The following MVD variants were observed in gnomAD, a reference collection of about 807,000 sequenced individuals.
The protein encoded by MVD is mevalonate diphosphate decarboxylase, also known as diphosphomevalonate decarboxylase.
MVD carries 52 observed loss-of-function variants against 42.4 expected under a neutral mutation model. That is an observed-to-expected ratio of 1.23 (90% CI 0.98 to 1.55). The LOEUF (loss-of-function observed/expected upper bound fraction) is 1.55. Ranked by LOEUF, MVD falls within the 40% of genes most tolerant of loss-of-function variation. The pLI is 0.00. For synonymous variants in MVD, 287 were observed against 243.2 expected (o/e 1.18, Z -1.68); for missense variants, 663 against 572.1 (o/e 1.16, Z -1.62).
intron 1 of MVD, 120 bp from the exon 2 acceptor site, chr16:88,658,840 C>T (rs527310108): frequency 1.3e-4 from 99 of 768,514 alleles, no homozygotes; most frequent in South Asian, 1.1e-3. Flanking sequence ...CGTCTCTCAC[C>T]GCACAACCTG....
chr16:88,655,668 G>C lies in MVD; in HGVS notation c.666C>G (p.Ser222Arg). Reference protein sequence around the residue: ...TVGMRASVETSPLLRFRAESV... With the variant: ...TVGMRASVETRPLLRFRAESV... ...CTCCTGGCCTTACCCGAAGCAGGGG[G>C]CTGGTCTCCACACTGGCCCGCATGC... is the stretch of plus-strand genomic sequence containing the variant. Residue 222 changes from serine (S) to arginine (R), a missense_variant, in exon 6 of 10, where the codon AGC becomes AGG. Transcript: ENST00000301012. The C allele has an allele frequency of 6.4e-7, 1 of 1,555,332 alleles. No homozygotes were observed. The highest frequency in any genetic ancestry group is 1.2e-5 in the South Asian group (1 of 84,440).
chr16:88,662,139 A>G (rs1169554494), intron 1 of MVD: 4 of 152,174 alleles, frequency 2.6e-5, no homozygotes. Flanking sequence ...GGGAAACACA[A>G]AAAAATTAGC....
chr16:88,658,714 T>C lies in MVD; in HGVS notation c.77A>G (p.Lys26Arg). ...VNIAVIKYWG[K>R]RDEELVLPIN... ...GGGCAGAACCAGCTCTTCATCGCGC[T>C]TGCCCCCTGTAATGAACAGCCAGGG... The change falls in exon 2 of 10, where the codon AAG becomes AGG. Residue 26 changes from lysine (K) to arginine (R), a missense_variant. Physicochemically the swap from Lys to Arg is conservative, Grantham distance 26. Transcript: ENST00000301012. 6.2e-7 allele frequency: 1 copy of C among 1,611,522 alleles called. No individual in the cohort carries two copies. The highest frequency in any genetic ancestry group is 8.5e-7 in the Non-Finnish European group (1 of 1,178,874).
chr16:88,657,167 G>T, intron 4 of MVD: 2 of 641,320 alleles, frequency 3.1e-6, no homozygotes, highest in East Asian at 3.2e-5. Context: ...GGCTGGTCTT[G>T]AACTCCTGGC....
chr16:88,659,320 CGCG>C, intron 1 of MVD: 1 of 157,680 alleles, frequency 6.3e-6, no homozygotes, highest in Admixed American at 6.1e-5. Context: ...GGGTGATAAA[CGCG>C]GACACCTGGC....
intron 7 of MVD, 86 bp from the exon 8 acceptor site, chr16:88,654,893 G>T: frequency 7.5e-7 from 1 of 1,327,270 alleles, no homozygotes; most frequent in African/African-American, 1.5e-5. Flanking sequence ...GCGGCCTTGG[G>T]CTCTCCAAGA....
At chr16:88,655,813 T>G in intron 5 of MVD, 83 bp from the exon 6 acceptor site, 9 of 1,472,950 alleles carry the variant, frequency 6.1e-6, no homozygotes, top group Non-Finnish European at 8.3e-6. Flanking sequence ...CGGCCCTCCC[T>G]CAGCCAATGC....
intron 7 of MVD, 114 bp downstream of exon 7, chr16:88,655,085 G>T: frequency 7.9e-7 from 1 of 1,263,954 alleles, no homozygotes; most frequent in Non-Finnish European, 1.1e-6. Context: ...GCAGGGTGGA[G>T]CTTTCAGACA....
Position 88,652,431 on chromosome 16 carries a change from A to G in MVD, c.*94T>C. 2.2e-6 allele frequency: 3 copies of G among 1,378,432 alleles called. No individual in the cohort carries two copies. Among genetic ancestry groups the G allele is most frequent in the Non-Finnish European group, 3.0e-6 (3 of 993,850 alleles). The allele number at this position is 1,378,432 out of a possible 1,614,324, so 85.4% of individuals were successfully genotyped here. On this transcript the variant is annotated 3_prime_UTR_variant, in exon 10 of 10. Transcript: ENST00000301012. ...GGCCCGGGGTCAAGCCACCACCCAC[A>G]TGTCCCAGGAGTCCGGCCAGCCCAC...
rs369291930 is a variant in MVD, at chr16:88,663,039, C to T, written c.42G>A (p.Ala14=). 2 of 1,609,964 alleles carry T rather than the reference C, an allele frequency of 1.2e-6. No homozygotes were observed. Among genetic ancestry groups the T allele is most frequent in the Admixed American group, 1.7e-5 (1 of 59,732 alleles). The change falls in exon 1 of 10, where the codon GCG becomes GCA. Residue 14 remains alanine (A), a synonymous_variant. Transcript: ENST00000301012. ...EKPLAAVTCT[A]PVNIAVIKYW... The stretch of plus-strand genomic sequence containing the variant: ...ACTTGATGACCGCGATGTTGACCGG[C>T]GCTGTACAAGTGACTGCCGCCAGCG...
intron 1 of MVD, 88 bp downstream of exon 1, chr16:88,662,923 G>T (rs1296197888): frequency 7.1e-6 from 11 of 1,540,144 alleles, no homozygotes; most frequent in Non-Finnish European, 9.6e-6. Context: ...AGGGCAGGAC[G>T]GAGCGCGCCG....
intron 5 of MVD, 105 bp from the exon 6 acceptor site, chr16:88,655,835 G>C (rs980280096): frequency 9.7e-6 from 13 of 1,340,422 alleles, no homozygotes; most frequent in African/African-American, 1.4e-5. Flanking sequence ...GGCAGCGGGG[G>C]TGGGAGTCAG....
At chr16:88,652,710 T>G in intron 9 of MVD, 105 bp from the exon 10 acceptor site, 2 of 1,090,250 alleles carry the variant, frequency 1.8e-6, no homozygotes, top group Non-Finnish European at 2.7e-6. Context: ...GCCCCCGCCC[T>G]TCCTGTGGGT....
rs1238275004 is a variant in MVD, at chr16:88,655,247, G to C, written c.849C>G (p.Arg283=). ...PISYLNAISW[R]IIHLVHRFNA... is the part of the protein sequence containing the mutation. The stretch of plus-strand genomic sequence containing the variant: ...TGAAGCGGTGCACCAGGTGGATGAT[G>C]CGCCAGGAGATGGCATTGAGGTAAG... The change falls in exon 7 of 10, where the codon CGC becomes CGG. Residue 283 remains arginine, a synonymous_variant. Transcript: ENST00000301012. 1.3e-6 allele frequency: 2 copies of C among 1,585,082 alleles called. No individual in the cohort carries two copies. Among genetic ancestry groups the C allele is most frequent in the Non-Finnish European group, 1.7e-6 (2 of 1,165,834 alleles).
rs1417470755 is a variant in MVD, at chr16:88,663,040, G to A, written c.41C>T (p.Ala14Val). 1.9e-6 allele frequency: 3 copies of A among 1,609,850 alleles called. No homozygotes were observed. Among genetic ancestry groups the A allele is most frequent in the Non-Finnish European group, 2.5e-6 (3 of 1,178,690 alleles). Residue 14 changes from alanine (A) to valine (V), a missense_variant, in exon 1 of 10, where the codon GCG (alanine) becomes GTG (valine). Physicochemically the swap from Ala to Val is moderately conservative, Grantham distance 64. Coordinates refer to ENST00000301012, the MANE Select transcript of MVD (RefSeq NM_002461.3). ...CTTGATGACCGCGATGTTGACCGGC[G>A]CTGTACAAGTGACTGCCGCCAGCGG... Reference protein sequence around the residue: ...EKPLAAVTCTAPVNIAVIKYW... With the variant: ...EKPLAAVTCTVPVNIAVIKYW...
chr16:88,662,557 C>CGGGGCGAGGGAGGGACACA lies in MVD; in HGVS notation c.70+435_70+453dup, dbSNP rs1597384867. ...CCTTGGAGGTTACCGCTGGGAGAAA[C>CGGGGCGAGGGAGGGACACA]GGGGCGAGGGAGGGACACAGGGTCT... On this transcript the variant is annotated intron_variant, in intron 1 of 9. Transcript: ENST00000301012. Among the ~76,000 whole-genome samples, 3 of 152,288 alleles carry CGGGGCGAGGGAGGGACACA rather than the reference C, an allele frequency of 2.0e-5. No individual in the cohort carries two copies. The East Asian group carries it at 5.8e-4, about 29-fold the overall frequency.
Position 88,663,073 on chromosome 16 carries a change from G to A in MVD, c.8C>T (p.Ser3Leu). ...AGTGACTGCCGCCAGCGGCTTCTCC[G>A]AGGCCATGGTCCCACCGCGCAGTGA... is the stretch of plus-strand genomic sequence containing the variant. Reference protein sequence around the residue: MASEKPLAAVTCT... With the variant: MALEKPLAAVTCT... The change falls in exon 1 of 10, where the codon TCG becomes TTG. Residue 3 changes from serine to leucine, a missense_variant. Transcript: ENST00000301012. 5 of 1,609,440 alleles carry A rather than the reference G, an allele frequency of 3.1e-6. No individual in the cohort carries two copies. Among genetic ancestry groups the A allele is most frequent in the Non-Finnish European group, 3.4e-6 (4 of 1,178,664 alleles).
chr16:88,659,009 C>T, intron 1 of MVD: 1 of 429,708 alleles, frequency 2.3e-6, no homozygotes, highest in Non-Finnish European at 4.4e-6. Context: ...AGGTGCGGAT[C>T]GCTCCCACCG....
intron 5 of MVD, 176 bp downstream of exon 5, chr16:88,655,929 C>T (rs1033042728): frequency 1.5e-5 from 17 of 1,118,216 alleles, no homozygotes; most frequent in Non-Finnish European, 2.0e-5. Flanking sequence ...GGTGGTGGCG[C>T]CCGCCGCATG....
Sources: gnomAD v4.1 joint callset for allele counts (sites outside exome capture counted in the v4.1 genomes callset) on GRCh38, gnomAD v4.1.1 for gene constraint, MANE v1.5 for transcripts, NCBI Gene and HGNC (gene_info 2026-07-23, HGNC 2026-07-21) for gene names.